REV3L: variants seen among roughly 807,000 people sequenced by gnomAD.
REV3L encodes the protein DNA polymerase zeta catalytic subunit.
Under a neutral mutation model 299.4 loss-of-function variants are expected in REV3L, and 69 were observed. The ratio of observed to expected loss-of-function variants is 0.23; its 90% CI spans 0.19 to 0.28. The LOEUF (loss-of-function observed/expected upper bound fraction) is 0.28. Among genes scored for constraint, REV3L ranks in the 10% least tolerant of loss-of-function variants. REV3L has a pLI of 1.00. For missense variants in REV3L, 3,128 were observed against 3,693.8 expected, an observed-to-expected ratio of 0.85 and a Z score of 3.97; for synonymous variants, 1,238 against 1,271.4, an observed-to-expected ratio of 0.97 and a Z score of 0.56.
At chr6:111,451,809 G>T (rs1789578793) in intron 1 of REV3L, among the ~76,000 whole-genome samples, 1 of 143,292 alleles carries the variant, frequency 7.0e-6, no homozygotes, top group Admixed American at 7.1e-5. Context: ...GTTAGGCAAA[G>T]ATTTCTTAGG....
At chr6:111,390,024 A>C (rs907764524) in intron 6 of REV3L, 62 bp downstream of exon 6, 2 of 1,114,404 alleles carry the variant, frequency 1.8e-6, no homozygotes, top group African/African-American at 3.5e-5. Flanking sequence ...GTGAGCCACC[A>C]CACCCGCCGG....
In REV3L at chr6:111,367,244, T is replaced by C. The variant is rs775492323; in HGVS notation, c.6544A>G (p.Ile2182Val). The C allele has an allele frequency of 2.0e-5, 32 of 1,613,982 alleles. No homozygotes were observed. The highest frequency in any genetic ancestry group is 2.6e-5 in the Non-Finnish European group (31 of 1,179,980). ...PCSEPQEPLV[I>V]SPINTRARTG... ...CTTGCCCTAGTATTAATTGGAGATA[T>C]CACTAGAGGCTCTTGAGGCTCACTG... Residue 2182 changes from isoleucine to valine, a missense_variant, in exon 14 of 32, where the codon ATA (isoleucine) becomes GTA (valine). Transcript: ENST00000368802.
rs1562173916 is a variant in REV3L, at chr6:111,357,102, G to A, written c.7096C>T (p.Leu2366Phe). Residue 2366 changes from leucine (L) to phenylalanine (F), a missense_variant, in exon 18 of 32, where the codon CTT becomes TTT. Physicochemically the swap from Leu to Phe is conservative, Grantham distance 22. This residue lies in a region of REV3L where 82 missense variants were observed against 142.7 expected (regional missense o/e 0.57). Coordinates refer to ENST00000368802, the MANE Select transcript of REV3L (RefSeq NM_001372078.1). ...SQDIRYQTPLLIRSGITGLEV... is the reference protein window; with the variant it reads ...SQDIRYQTPLFIRSGITGLEV... The stretch of plus-strand genomic sequence containing the variant: ...AGTCCTGTAATTCCAGATCTAATAA[G>A]TAATGGAGTCTGATATCTGATATCT... 32 of 1,573,678 alleles carry A rather than the reference G, an allele frequency of 2.0e-5. No homozygotes were observed. The highest frequency in any genetic ancestry group is 2.7e-5 in the Non-Finnish European group (31 of 1,156,640).
At chr6:111,477,220 C>G (rs1483721241) in intron 1 of REV3L, among the ~76,000 whole-genome samples, 1 of 152,190 alleles carries the variant, frequency 6.6e-6, no homozygotes, top group African/African-American at 2.4e-5. Flanking sequence ...TGATGATTAT[C>G]ATCTATTTAT....
In REV3L at chr6:111,375,067, G is replaced by T. The variant is rs760434149; in HGVS notation, c.3288C>A (p.Thr1096=). Residue 1096 remains threonine, a synonymous_variant, in exon 13 of 32, where the codon ACC becomes ACA. Transcript: ENST00000368802. ...SPPSPSYNAE[T]EDCDLNYSDV... is the part of the protein sequence containing the mutation. ...CACTATAATTCAGGTCACAATCTTC[G>T]GTTTCAGCATTGTAAGATGGTGAGG... is the stretch of plus-strand genomic sequence containing the variant. 6.2e-7 allele frequency: 1 copy of T among 1,613,874 alleles called. No homozygotes were observed. Among genetic ancestry groups the T allele is most frequent in the East Asian group, 2.2e-5 (1 of 44,878 alleles).
At position 111,416,269 on chromosome 6, in the gene REV3L, T is replaced by A; in HGVS notation, c.329+14A>T. The A allele has an allele frequency of 1.3e-6, 2 of 1,518,874 alleles. No individual in the cohort carries two copies. Among genetic ancestry groups the A allele is most frequent in the Non-Finnish European group, 8.9e-7 (1 of 1,121,338 alleles). 94.1% of individuals were successfully genotyped at this position (1,518,874 alleles called of 1,614,324 possible). On this transcript the variant is annotated intron_variant, in intron 2 of 31. Coordinates refer to ENST00000368802, the MANE Select transcript of REV3L (RefSeq NM_001372078.1). The stretch of plus-strand genomic sequence containing the variant: ...CATAAACAGAAATTATAAAATATAT[T>A]ATCATATACTTACATTCCTGATACT...
At chr6:111,421,001 G>T (rs1289979005) in intron 1 of REV3L, among the ~76,000 whole-genome samples, 1 of 151,982 alleles carries the variant, frequency 6.6e-6, no homozygotes, top group Non-Finnish European at 1.5e-5. Flanking sequence ...TTAGCCAGGT[G>T]CCTGTAGTCC....
chr6:111,479,874 T>C (rs1025097169), intron 1 of REV3L, among the ~76,000 whole-genome samples: 1 of 152,208 alleles, frequency 6.6e-6, no homozygotes, highest in African/African-American at 2.4e-5. Context: ...TGGGAGCTTT[T>C]AAACCCAAAA....
chr6:111,418,481 A>C (rs989763545), intron 1 of REV3L, among the ~76,000 whole-genome samples: 6 of 152,224 alleles, frequency 3.9e-5, no homozygotes, highest in African/African-American at 1.4e-4. Context: ...CTTCAGAACT[A>C]CAACAATTTT....
intron 1 of REV3L, among the ~76,000 whole-genome samples, chr6:111,445,946 T>C (rs1376456868): frequency 6.6e-6 from 1 of 152,144 alleles, no homozygotes; most frequent in Non-Finnish European, 1.5e-5. Context: ...AAATATAAGA[T>C]TCATGGTAAA....
chr6:111,404,117 G>A (rs1263434610), intron 4 of REV3L, among the ~76,000 whole-genome samples: 1 of 152,200 alleles, frequency 6.6e-6, no homozygotes, highest in Non-Finnish European at 1.5e-5. Context: ...GACTCTCTTG[G>A]TAGGGTTATT....
intron 16 of REV3L, 40 bp from the exon 17 acceptor site, chr6:111,359,054 T>C: frequency 6.6e-7 from 1 of 1,526,102 alleles, no homozygotes. Context: ...AAAACATTTT[T>C]TAAAGACATG....
rs113143329 is a variant in REV3L, at chr6:111,339,257, G to A, written c.7539-3647C>T. On this transcript the variant is annotated intron_variant, in intron 21 of 31. Transcript: ENST00000368802. ...ATTTAATTCTTACTTCACTTCATGA[G>A]GTAGAATATATTAACATCTCTCTAT... Among the ~76,000 whole-genome samples the A allele has an allele frequency of 4.6e-5, 7 of 152,046 alleles. 1 individual carries two copies. The highest frequency in any genetic ancestry group is 1.7e-4 in the African/African-American group (7 of 41,502).
chr6:111,482,931 C>G lies in REV3L; in HGVS notation c.-43G>C, dbSNP rs1313013277. On this transcript the variant is annotated 5_prime_UTR_variant, in exon 1 of 32. Coordinates refer to ENST00000368802, the MANE Select transcript of REV3L (RefSeq NM_001372078.1). ...CTGCCTCCCTTCACTGGCGACCCGGCAGCGGCAGCAGCAGCGGCGGCGGCT... is the reference window on the plus strand; with the variant it reads ...CTGCCTCCCTTCACTGGCGACCCGGGAGCGGCAGCAGCAGCGGCGGCGGCT... 2 of 1,482,256 alleles carry G rather than the reference C, an allele frequency of 1.3e-6. No individual in the cohort carries two copies. Among genetic ancestry groups the G allele is most frequent in the Admixed American group, 3.1e-5 (1 of 31,826 alleles). 91.8% of individuals were successfully genotyped at this position (1,482,256 alleles called of 1,614,324 possible).
intron 9 of REV3L, among the ~76,000 whole-genome samples, chr6:111,384,173 C>T (rs770383344): frequency 1.3e-5 from 2 of 152,102 alleles, no homozygotes; most frequent in East Asian, 1.9e-4. Flanking sequence ...TGGGGAAACT[C>T]TCTAGAATAT....
At chr6:111,399,173 T>C (rs1782830895) in intron 4 of REV3L, among the ~76,000 whole-genome samples, 1 of 152,220 alleles carries the variant, frequency 6.6e-6, no homozygotes, top group Non-Finnish European at 1.5e-5. Context: ...CTTTCTATAA[T>C]ATCTAATGTA....
intron 5 of REV3L, chr6:111,392,607 T>A (rs1230347726): frequency 4.2e-6 from 1 of 236,258 alleles, no homozygotes; most frequent in African/African-American, 2.2e-5. Flanking sequence ...TTAGAATAGA[T>A]GATGAAGATG....
chr6:111,338,041 T>A (rs1776087388), intron 21 of REV3L, among the ~76,000 whole-genome samples: 1 of 152,168 alleles, frequency 6.6e-6, no homozygotes. Context: ...ACAAGCATTT[T>A]GCTGAGATTT....
Position 111,369,518 on chromosome 6 carries a change from TA to T in REV3L, c.5760-1491del, listed in dbSNP as rs1282655680. 3.9e-5 allele frequency among the ~76,000 whole-genome samples: 6 copies of T among 152,128 alleles called. No homozygotes were observed. In the East Asian group the frequency reaches 1.2e-3, roughly 29 times the overall value. The stretch of plus-strand genomic sequence containing the variant: ...TTCTTAACATACATAATAATATACA[TA>T]ATATCTATAGTGGCAAAATTGCAAA... On this transcript the variant is annotated intron_variant, in intron 13 of 31. Coordinates refer to ENST00000368802, the MANE Select transcript of REV3L (RefSeq NM_001372078.1).
Sources: gnomAD v4.1 joint callset for allele counts (sites outside exome capture counted in the v4.1 genomes callset) on GRCh38, gnomAD v4.1.1 for gene constraint, gnomAD v4.1.1 regional missense constraint, MANE v1.5 for transcripts, NCBI Gene and HGNC (gene_info 2026-07-23, HGNC 2026-07-21) for gene names.